Variants in TANGO6 observed in about 807,000 individuals in gnomAD.
The protein encoded by TANGO6 is transport and golgi organization 6 homolog.
In TANGO6, 90 loss-of-function variants were observed where a neutral mutation model predicts 114.2. That is an observed-to-expected ratio of 0.79 (90% CI 0.66 to 0.94). The LOEUF (loss-of-function observed/expected upper bound fraction) is 0.94, where lower values mean the gene tolerates loss of function less well. TANGO6 is among the 40% of genes least tolerant of loss of function. The pLI is 0.00. For synonymous variants in TANGO6, 477 were observed against 509.8 expected, an observed-to-expected ratio of 0.94 and a Z score of 0.87; for missense variants, 1,274 against 1,315.3, an observed-to-expected ratio of 0.97 and a Z score of 0.49.
intron 1 of TANGO6, among the ~76,000 whole-genome samples, chr16:68,847,492 G>A (rs1332913205): frequency 6.6e-6 from 1 of 152,160 alleles, no homozygotes; most frequent in Non-Finnish European, 1.5e-5. Context: ...AAAAACTTCA[G>A]TAAGAGCTTT....
intron 17 of TANGO6, among the ~76,000 whole-genome samples, chr16:69,066,000 T>G (rs1045270513): frequency 6.6e-6 from 1 of 152,138 alleles, no homozygotes; most frequent in African/African-American, 2.4e-5. Flanking sequence ...GACCTTGGAG[T>G]CTGGCCCCTT....
At chr16:68,978,202 T>C (rs1354236342) in intron 15 of TANGO6, among the ~76,000 whole-genome samples, 1 of 152,192 alleles carries the variant, frequency 6.6e-6, no homozygotes, top group Non-Finnish European at 1.5e-5. Context: ...ATGTATTTTC[T>C]CTGGTAGACC....
intron 16 of TANGO6, among the ~76,000 whole-genome samples, chr16:69,027,215 GA>G (rs1959516588): frequency 1.3e-5 from 2 of 152,124 alleles, no homozygotes; most frequent in Admixed American, 1.3e-4. Context: ...AATAAGCAGA[GA>G]AGCACACTCA....
intron 14 of TANGO6, among the ~76,000 whole-genome samples, chr16:68,938,788 A>G (rs1597029044): frequency 6.6e-6 from 1 of 152,220 alleles, no homozygotes; most frequent in African/African-American, 2.4e-5. Context: ...CCTAGGGTAC[A>G]TTGTTCTAGA....
chr16:68,954,938 C>T (rs796854389), intron 14 of TANGO6, among the ~76,000 whole-genome samples: 31 of 152,130 alleles, frequency 2.0e-4, no homozygotes, highest in African/African-American at 5.3e-4. Flanking sequence ...AATATGAACA[C>T]GTATTGATTT....
chr16:69,036,333 C>T (rs1959686602), intron 16 of TANGO6, among the ~76,000 whole-genome samples: 1 of 152,176 alleles, frequency 6.6e-6, no homozygotes, highest in Admixed American at 6.6e-5. Flanking sequence ...GGGTGCTTGA[C>T]CTGAACTGAA....
intron 17 of TANGO6, among the ~76,000 whole-genome samples, chr16:69,042,848 A>G (rs988421560): frequency 6.6e-6 from 1 of 152,206 alleles, no homozygotes; most frequent in African/African-American, 2.4e-5. Context: ...CAGTAGGGGA[A>G]TGGAGGGGTA....
intron 16 of TANGO6, among the ~76,000 whole-genome samples, chr16:69,030,338 C>T (rs1380818115): frequency 1.3e-5 from 2 of 151,910 alleles, no homozygotes; most frequent in Admixed American, 1.3e-4. Flanking sequence ...TGAGGAGTCC[C>T]TTGGTCAAGT....
chr16:69,052,783 TCTC>T (rs1475012641), intron 17 of TANGO6, among the ~76,000 whole-genome samples: 2 of 151,950 alleles, frequency 1.3e-5, no homozygotes, highest in African/African-American at 4.8e-5. Context: ...TGACCTCTCT[TCTC>T]CTCAACTTCC....
At chr16:68,933,163 C>T (rs550494327) in intron 14 of TANGO6, among the ~76,000 whole-genome samples, 2 of 151,892 alleles carry the variant, frequency 1.3e-5, no homozygotes, top group African/African-American at 4.9e-5. Flanking sequence ...GCCTATCATC[C>T]CAGCACTTTG....
rs1963737288 is a variant in TANGO6, at chr16:68,974,107, G to A, written c.2781G>A (p.Lys927=). ...LLAQYDSSKD[K]HTPETRMKVG... ...CTCAATATGACAGCAGCAAAGACAA[G>A]CACACACCAGAGACCAGAATGAAAG... The change falls in exon 15 of 18, where the codon AAG becomes AAA. Residue 927 remains lysine (K), a synonymous_variant. Coordinates refer to ENST00000261778, the MANE Select transcript of TANGO6 (RefSeq NM_024562.2). 1.2e-6 allele frequency: 2 copies of A among 1,613,934 alleles called. No homozygotes were observed. The highest frequency in any genetic ancestry group is 1.7e-6 in the Non-Finnish European group (2 of 1,179,868).
At chr16:68,874,300 A>G (rs975560761) in intron 4 of TANGO6, among the ~76,000 whole-genome samples, 4 of 152,026 alleles carry the variant, frequency 2.6e-5, no homozygotes, top group East Asian at 1.9e-4. Context: ...TTGGGCTGCT[A>G]TTGTTATCGC....
chr16:68,969,076 C>T (rs1339984301), intron 14 of TANGO6, among the ~76,000 whole-genome samples: 1 of 152,170 alleles, frequency 6.6e-6, no homozygotes, highest in African/African-American at 2.4e-5. Flanking sequence ...TTCACTTTTA[C>T]CTTCTCTATA....
At chr16:68,902,930 G>A (rs1962803748) in intron 9 of TANGO6, among the ~76,000 whole-genome samples, 1 of 152,186 alleles carries the variant, frequency 6.6e-6, no homozygotes, top group Non-Finnish European at 1.5e-5. Flanking sequence ...TTTTATGATG[G>A]AAATTTGTTT....
At chr16:68,909,430 A>C (rs1962895205) in intron 11 of TANGO6, 28 bp downstream of exon 11, 2 of 1,454,598 alleles carry the variant, frequency 1.4e-6, no homozygotes, top group Non-Finnish European at 1.8e-6. Context: ...TCTGGACCGC[A>C]GCCTTTTTTT....
chr16:68,973,983 G>T (rs1337357340), intron 14 of TANGO6, 45 bp from the exon 15 acceptor site: 1 of 1,560,354 alleles, frequency 6.4e-7, no homozygotes, highest in South Asian at 1.2e-5. Context: ...TTTGCCTTTT[G>T]ATCGTAAACA....
At chr16:68,904,488 G>C (rs1458000087) in intron 9 of TANGO6, among the ~76,000 whole-genome samples, 2 of 152,182 alleles carry the variant, frequency 1.3e-5, no homozygotes, top group Non-Finnish European at 2.9e-5. Flanking sequence ...TTCTATTAGA[G>C]GAATATGAAG....
rs552954179 is a variant in TANGO6 at position 68,968,175 on chromosome 16, C to G, written c.2702-5853C>G. Among the ~76,000 whole-genome samples the G allele has an allele frequency of 3.3e-5, 5 of 152,170 alleles. No individual in the cohort carries two copies. In the South Asian group the frequency reaches 1.0e-3, roughly 32 times the overall value. On this transcript the variant is annotated intron_variant, in intron 14 of 17. Coordinates refer to ENST00000261778, the MANE Select transcript of TANGO6 (RefSeq NM_024562.2). Reference sequence around the variant, plus strand: ...CCACCTCCTGGATTCAAGAGATTCTCCTGCCTCAGCCTCCCGAATAGCTGG... The same window carrying G: ...CCACCTCCTGGATTCAAGAGATTCTGCTGCCTCAGCCTCCCGAATAGCTGG...
At chr16:69,083,346 A>G (rs1960493604) in intron 17 of TANGO6, 139 bp from the exon 18 acceptor site, 18 of 1,119,838 alleles carry the variant, frequency 1.6e-5, no homozygotes, top group Non-Finnish European at 2.0e-5. Context: ...GGCATGAGCC[A>G]CTGCACCCAG....
Sources: allele counts gnomAD v4.1 joint callset (sites outside exome capture counted in the v4.1 genomes callset), GRCh38; gene constraint gnomAD v4.1.1; transcripts MANE v1.5; gene names NCBI Gene and HGNC (gene_info 2026-07-23, HGNC 2026-07-21).